Variants in RGS6 observed in about 807,000 individuals in gnomAD.
RGS6 encodes the protein regulator of G-protein signaling 6.
Under a neutral mutation model 78.5 loss-of-function variants are expected in RGS6, and 30 were observed. The ratio of observed to expected loss-of-function variants is 0.38; its 90% CI spans 0.29 to 0.52. The LOEUF is 0.52. RGS6 is among the 20% of genes least tolerant of loss of function. The pLI, the probability that RGS6 is intolerant of heterozygous loss-of-function variation, is 0.85. For synonymous variants in RGS6, 206 were observed against 206.0 expected, an observed-to-expected ratio of 1.00 and a Z score of 0.00; for missense variants, 495 against 609.7, an observed-to-expected ratio of 0.81 and a Z score of 1.98.
chr14:72,161,566 C>T (rs554735533), intron 2 of RGS6, among the ~76,000 whole-genome samples: 6 of 152,210 alleles, frequency 3.9e-5, no homozygotes, highest in Middle Eastern at 3.4e-3. Flanking sequence ...TTGGATGAGG[C>T]GGGGTGGAAT....
intron 2 of RGS6, among the ~76,000 whole-genome samples, chr14:72,005,755 T>C (rs1473987250): frequency 1.3e-5 from 2 of 152,210 alleles, no homozygotes; most frequent in African/African-American, 4.8e-5. Context: ...CTTCCTGCTG[T>C]CCTATTTAAA....
intron 2 of RGS6, among the ~76,000 whole-genome samples, chr14:72,294,285 A>G (rs1178947414): frequency 1.3e-5 from 2 of 152,264 alleles, no homozygotes; most frequent in East Asian, 3.8e-4. Context: ...GACTAAAGCC[A>G]CATGGTTCAA....
At chr14:71,947,197 A>T (rs1048693402) in intron 1 of RGS6, among the ~76,000 whole-genome samples, 2 of 151,838 alleles carry the variant, frequency 1.3e-5, no homozygotes, top group Non-Finnish European at 2.9e-5. Context: ...CTGACTGCTG[A>T]CTCCTGGGTC....
chr14:72,249,089 A>G (rs1384715257), intron 2 of RGS6, among the ~76,000 whole-genome samples: 1 of 152,230 alleles, frequency 6.6e-6, no homozygotes, highest in Non-Finnish European at 1.5e-5. Context: ...GGGAAAGCAA[A>G]CAAAAGCTTA....
chr14:72,137,868 A>T (rs1052710311), intron 2 of RGS6, among the ~76,000 whole-genome samples: 31 of 152,148 alleles, frequency 2.0e-4, no homozygotes, highest in African/African-American at 7.2e-4. Flanking sequence ...TGTTTAAATC[A>T]TTTACATAAA....
the RGS6 span, among the ~76,000 whole-genome samples, chr14:72,609,472 C>A: frequency 6.6e-6 from 1 of 152,178 alleles, no homozygotes; most frequent in East Asian, 1.9e-4. Context: ...ACCATCATGT[C>A]CCCTTAGGAT....
At chr14:71,961,072 A>G (rs2093160374) in intron 1 of RGS6, among the ~76,000 whole-genome samples, 1 of 152,218 alleles carries the variant, frequency 6.6e-6, no homozygotes, top group Non-Finnish European at 1.5e-5. Flanking sequence ...AGTTCCAAAG[A>G]ACCTGAGGGT....
At chr14:71,944,199 A>G (rs1014898384) in intron 1 of RGS6, among the ~76,000 whole-genome samples, 1 of 152,236 alleles carries the variant, frequency 6.6e-6, no homozygotes, top group Non-Finnish European at 1.5e-5. Flanking sequence ...CTACAAAACT[A>G]TGGGTCCGTC....
the RGS6 span, among the ~76,000 whole-genome samples, chr14:72,592,857 A>T: frequency 3.9e-5 from 6 of 152,202 alleles, no homozygotes; most frequent in Non-Finnish European, 8.8e-5. Flanking sequence ...CTGCAGCCTT[A>T]GGACTGCAGA....
At chr14:71,997,406 T>C (rs1349952769) in intron 2 of RGS6, among the ~76,000 whole-genome samples, 2 of 152,188 alleles carry the variant, frequency 1.3e-5, no homozygotes, top group African/African-American at 2.4e-5. Flanking sequence ...TGAACACTCA[T>C]TGGCATAGAG....
At chr14:72,509,322 G>T (rs1030692016) in intron 13 of RGS6, among the ~76,000 whole-genome samples, 4 of 148,890 alleles carry the variant, frequency 2.7e-5, no homozygotes, top group African/African-American at 9.9e-5. Flanking sequence ...CCACAATCAC[G>T]CCACTGCACT....
At chr14:72,039,369 C>T (rs1472840595) in intron 2 of RGS6, among the ~76,000 whole-genome samples, 1 of 152,078 alleles carries the variant, frequency 6.6e-6, no homozygotes, top group Non-Finnish European at 1.5e-5. Context: ...GGATATAGAT[C>T]CTGAACGATT....
chr14:71,972,636 C>G (rs551713846), intron 2 of RGS6, among the ~76,000 whole-genome samples: 3 of 151,830 alleles, frequency 2.0e-5, no homozygotes, highest in South Asian at 4.2e-4. Flanking sequence ...AATGGGTGAT[C>G]GATGTGGAAG....
chr14:71,955,414 CGTAGA>C (rs1469955968), intron 1 of RGS6, among the ~76,000 whole-genome samples: 1 of 152,076 alleles, frequency 6.6e-6, no homozygotes, highest in Admixed American at 6.5e-5. Flanking sequence ...GGGGCAAGTC[CGTAGA>C]GTAAACTGAA....
the RGS6 span, among the ~76,000 whole-genome samples, chr14:72,591,108 G>A: frequency 2.0e-5 from 3 of 152,154 alleles, no homozygotes; most frequent in African/African-American, 7.2e-5. Flanking sequence ...TTGTCTGGGA[G>A]AAAGTTTTAT....
At chr14:72,194,969 A>G (rs1447670405) in intron 2 of RGS6, among the ~76,000 whole-genome samples, 1 of 152,162 alleles carries the variant, frequency 6.6e-6, no homozygotes, top group Non-Finnish European at 1.5e-5. Context: ...GAGCTTTGGG[A>G]GGCCGAGGCA....
At chr14:71,907,619 T>TG in the RGS6 span, among the ~76,000 whole-genome samples, 1 of 144,424 alleles carries the variant, frequency 6.9e-6, no homozygotes, top group East Asian at 2.0e-4. Context: ...TCAGTGGTGG[T>TG]GGGGGGATAT....
intron 2 of RGS6, among the ~76,000 whole-genome samples, chr14:72,154,013 A>G (rs2096733248): frequency 6.6e-6 from 1 of 152,156 alleles, no homozygotes; most frequent in African/African-American, 2.4e-5. Flanking sequence ...TCAACCGCAT[A>G]GGACAGACAT....
At chr14:72,139,664 A>G (rs932215964) in intron 2 of RGS6, among the ~76,000 whole-genome samples, 49 of 152,204 alleles carry the variant, frequency 3.2e-4, no homozygotes, top group Non-Finnish European at 3.8e-4. Context: ...GTTTATTTAT[A>G]TTTTTTGCCA....
Sources: gnomAD v4.1 joint callset for allele counts (sites outside exome capture counted in the v4.1 genomes callset) on GRCh38, gnomAD v4.1.1 for gene constraint, MANE v1.5 for transcripts, NCBI Gene and HGNC (gene_info 2026-07-23, HGNC 2026-07-21) for gene names.